RIC8B: variants seen among roughly 807,000 people sequenced by gnomAD.
RIC8B encodes the protein RIC8 guanine nucleotide exchange factor B.
In RIC8B, 16 loss-of-function variants were observed where a neutral mutation model predicts 57.5. The ratio of observed to expected loss-of-function variants is 0.28; its 90% CI spans 0.19 to 0.42. RIC8B has a LOEUF of 0.42. Ranked by LOEUF, RIC8B falls within the 10% of genes least tolerant of loss-of-function variation. The probability of loss-of-function intolerance (pLI) is 1.00; values close to 1 mark genes in which losing one functional copy is unlikely to be tolerated. For synonymous variants in RIC8B, 216 were observed against 250.8 expected, an observed-to-expected ratio of 0.86 and a Z score of 1.31; for missense variants, 481 against 677.0, an observed-to-expected ratio of 0.71 and a Z score of 3.21.
At chr12:106,870,793 A>C in intron 8 of RIC8B, 30 bp from the exon 9 acceptor site, 1 of 1,465,618 alleles carries the variant, frequency 6.8e-7, no homozygotes, top group South Asian at 1.4e-5. Context: ...ATTTTAAAAC[A>C]TACAGCATAA....
At chr12:106,833,364 G>GAGAA (rs2046443196) in intron 4 of RIC8B, among the ~76,000 whole-genome samples, 1 of 152,166 alleles carries the variant, frequency 6.6e-6, no homozygotes, top group Non-Finnish European at 1.5e-5. Context: ...CACTTTGGGA[G>GAGAA]GCTGAGGTGG....
At chr12:106,832,567 A>G (rs1397134633) in intron 4 of RIC8B, among the ~76,000 whole-genome samples, 1 of 47,110 alleles carries the variant, frequency 2.1e-5, no homozygotes, top group Admixed American at 1.9e-4. Flanking sequence ...ACTCTGTATG[A>G]AAAAAAAAAA....
chr12:106,786,556 A>G (rs2044036868), intron 2 of RIC8B, among the ~76,000 whole-genome samples: 1 of 152,228 alleles, frequency 6.6e-6, no homozygotes, highest in South Asian at 2.1e-4. Context: ...GTGTCTACCA[A>G]AATTACAGAT....
intron 9 of RIC8B, among the ~76,000 whole-genome samples, chr12:106,884,163 A>G (rs1482330811): frequency 6.6e-6 from 1 of 152,222 alleles, no homozygotes; most frequent in Non-Finnish European, 1.5e-5. Context: ...TCAGTGCTTC[A>G]TCTCAGGAGC....
chr12:106,784,055 G>A lies in RIC8B; in HGVS notation c.132+11G>A, dbSNP rs776588656. The A allele has an allele frequency of 5.6e-6, 9 of 1,612,100 alleles. No individual in the cohort carries two copies. In the Admixed American group the frequency reaches 1.5e-4, roughly 27 times the overall value. ...GAAGATAAAAGAAAGGTAAGCCTTGGTGTTGCTCTGTGAATGTTTATGTGT... is the reference window on the plus strand; with the variant it reads ...GAAGATAAAAGAAAGGTAAGCCTTGATGTTGCTCTGTGAATGTTTATGTGT... On this transcript the variant is annotated intron_variant, in intron 2 of 9. Transcript: ENST00000392837.
At chr12:106,839,360 T>TA (rs1566115447) in intron 4 of RIC8B, among the ~76,000 whole-genome samples, 1 of 152,148 alleles carries the variant, frequency 6.6e-6, no homozygotes, top group Non-Finnish European at 1.5e-5. Context: ...ATTCAGCCTT[T>TA]AAAAAAAGAA....
intron 9 of RIC8B, among the ~76,000 whole-genome samples, chr12:106,884,939 G>A (rs1162857359): frequency 1.3e-5 from 2 of 152,134 alleles, no homozygotes; most frequent in African/African-American, 2.4e-5. Flanking sequence ...TTATGGACAT[G>A]TTTTTGGGGG....
At chr12:106,784,097 T>A in intron 2 of RIC8B, 53 bp downstream of exon 2, 1 of 1,476,508 alleles carries the variant, frequency 6.8e-7, no homozygotes, top group Non-Finnish European at 9.4e-7. Context: ...ATTGCATTCA[T>A]GGACTTTCTA....
intron 1 of RIC8B, among the ~76,000 whole-genome samples, chr12:106,783,693 ACTC>A (rs1203344504): frequency 6.6e-6 from 1 of 150,510 alleles, no homozygotes; most frequent in African/African-American, 2.4e-5. Flanking sequence ...CCTCTGGCAA[ACTC>A]CTGTTTATCC....
At chr12:106,849,391 G>A (rs541972172) in intron 6 of RIC8B, among the ~76,000 whole-genome samples, 7 of 149,610 alleles carry the variant, frequency 4.7e-5, no homozygotes, top group East Asian at 3.9e-4. Flanking sequence ...GGTTTCAAGC[G>A]ATCCTCCTGC....
At chr12:106,877,755 G>A (rs964542630) in intron 9 of RIC8B, among the ~76,000 whole-genome samples, 9 of 152,126 alleles carry the variant, frequency 5.9e-5, no homozygotes, top group Admixed American at 2.0e-4. Context: ...AGCCCAGGAC[G>A]CTTTTGAATG....
At chr12:106,817,632 A>G (rs2045632503) in intron 3 of RIC8B, among the ~76,000 whole-genome samples, 2 of 152,084 alleles carry the variant, frequency 1.3e-5, no homozygotes, top group Admixed American at 1.3e-4. Flanking sequence ...ATCCTGGCTA[A>G]CACGGTGAAA....
chr12:106,790,857 C>CG (rs2044234520), intron 2 of RIC8B, among the ~76,000 whole-genome samples: 1 of 152,066 alleles, frequency 6.6e-6, no homozygotes, highest in African/African-American at 2.4e-5. Context: ...TAAAAGTAGC[C>CG]AAATATCAAG....
At position 106,782,422 on chromosome 12, in the gene RIC8B, G is replaced by C. The variant is rs578128290; in HGVS notation, c.85-1575G>C. Among the ~76,000 whole-genome samples the C allele has an allele frequency of 9.9e-5, 15 of 152,236 alleles. No individual in the cohort carries two copies. The South Asian group carries it at 3.1e-3, about 32-fold the overall frequency. ...CCAGGAGTATCATGCCTGGATTATT[G>C]ATGTCCATTCCTCACAGGGCATTAT... is the stretch of plus-strand genomic sequence containing the variant. On this transcript the variant is annotated intron_variant, in intron 1 of 9. Coordinates refer to ENST00000392837, the MANE Select transcript of RIC8B (RefSeq NM_001330145.2).
intron 8 of RIC8B, among the ~76,000 whole-genome samples, chr12:106,870,556 T>A (rs1212093974): frequency 6.6e-6 from 1 of 151,958 alleles, no homozygotes; most frequent in Non-Finnish European, 1.5e-5. Flanking sequence ...TTTGTATTTT[T>A]AAAAAGCAAC....
At chr12:106,882,376 A>C (rs958457578) in intron 9 of RIC8B, among the ~76,000 whole-genome samples, 3 of 152,182 alleles carry the variant, frequency 2.0e-5, no homozygotes, top group Admixed American at 2.0e-4. Context: ...CCAGAATTAG[A>C]GCACAGGTCC....
intron 7 of RIC8B, among the ~76,000 whole-genome samples, chr12:106,851,814 C>T (rs1033105930): frequency 6.6e-6 from 1 of 152,158 alleles, no homozygotes; most frequent in Non-Finnish European, 1.5e-5. Flanking sequence ...TTACCAAACA[C>T]ACTCACATTT....
intron 2 of RIC8B, among the ~76,000 whole-genome samples, chr12:106,787,056 ATG>A (rs1953485050): frequency 6.6e-6 from 1 of 152,188 alleles, no homozygotes; most frequent in Non-Finnish European, 1.5e-5. Flanking sequence ...TATTAATAAA[ATG>A]TGTTTATTTC....
chr12:106,808,168 A>G (rs553562986), intron 2 of RIC8B, among the ~76,000 whole-genome samples: 1 of 152,278 alleles, frequency 6.6e-6, no homozygotes, highest in East Asian at 1.9e-4. Context: ...ATACAGTATA[A>G]CAATTTACAT....
Sources: gnomAD v4.1 joint callset for allele counts (sites outside exome capture counted in the v4.1 genomes callset) on GRCh38, gnomAD v4.1.1 for gene constraint, MANE v1.5 for transcripts, NCBI Gene and HGNC (gene_info 2026-07-23, HGNC 2026-07-21) for gene names.